The following STOX2 variants were observed in gnomAD, a reference collection of about 807,000 sequenced individuals.
STOX2 encodes the protein storkhead box 2.
STOX2 carries 28 observed loss-of-function variants against 60.9 expected under a neutral mutation model. The observed-to-expected ratio is 0.46, with a 90% CI of 0.34 to 0.63. The LOEUF is 0.63. Among genes scored for constraint, STOX2 ranks in the 30% least tolerant of loss-of-function variants. The probability of loss-of-function intolerance (pLI) is 0.01; values close to 1 mark genes in which losing one functional copy is unlikely to be tolerated. For synonymous variants in STOX2, 472 were observed against 463.9 expected, an observed-to-expected ratio of 1.02 and a Z score of -0.22; for missense variants, 1,024 against 1,187.7, an observed-to-expected ratio of 0.86 and a Z score of 2.03.
At chr4:183,872,480 T>G (rs1288063934) in intron 1 of STOX2, among the ~76,000 whole-genome samples, 1 of 152,188 alleles carries the variant, frequency 6.6e-6, no homozygotes, top group African/African-American at 2.4e-5. Flanking sequence ...TGTACAAACT[T>G]TTTATGTATT....
intron 1 of STOX2, among the ~76,000 whole-genome samples, chr4:183,872,874 G>A (rs1038129278): frequency 2.0e-5 from 3 of 151,956 alleles, no homozygotes; most frequent in African/African-American, 4.8e-5. Context: ...AGATTAGTCC[G>A]TCATCTTTGT....
intron 1 of STOX2, among the ~76,000 whole-genome samples, chr4:183,833,849 G>T (rs1208829345): frequency 6.6e-6 from 1 of 151,440 alleles, no homozygotes; most frequent in Non-Finnish European, 1.5e-5. Flanking sequence ...GGGCGTGGTG[G>T]CAGGCGCCTG....
chr4:183,984,398 G>C (rs1732766876), intron 1 of STOX2, among the ~76,000 whole-genome samples: 1 of 152,064 alleles, frequency 6.6e-6, no homozygotes, highest in Non-Finnish European at 1.5e-5. Context: ...CTTTTTATAT[G>C]TGAGTATCTT....
chr4:184,001,717 C>T lies in STOX2; in HGVS notation c.319+240C>T, dbSNP rs1005277038. Among the ~76,000 whole-genome samples the T allele has an allele frequency of 6.6e-6, 1 of 151,970 alleles. No homozygotes were observed. Among genetic ancestry groups the T allele is most frequent in the Admixed American group, 6.6e-5 (1 of 15,254 alleles). On this transcript the variant is annotated intron_variant, in intron 2 of 3. Transcript: ENST00000308497. The surrounding 1 kb of genome is among the most constrained non-coding windows in gnomAD (Gnocchi z 4.2). Reference sequence around the variant, plus strand: ...TGGCACCGAGAGGAAGAAATTAATTCAGAATCCATGAAGAATCTGGCAAGA... The same window carrying T: ...TGGCACCGAGAGGAAGAAATTAATTTAGAATCCATGAAGAATCTGGCAAGA...
chr4:183,879,206 C>T (rs1029492330), intron 1 of STOX2, among the ~76,000 whole-genome samples: 2 of 152,190 alleles, frequency 1.3e-5, no homozygotes, highest in Admixed American at 6.5e-5. Context: ...AGGCCAGCCT[C>T]GCGAAGGCAT....
intron 1 of STOX2, among the ~76,000 whole-genome samples, chr4:183,839,387 C>T (rs753333220): frequency 6.6e-6 from 1 of 152,108 alleles, no homozygotes; most frequent in African/African-American, 2.4e-5. Flanking sequence ...GTTTGGGTGC[C>T]ACTGACTTTA....
rs188704640 is a variant in STOX2, at chr4:183,951,082, G to A, written c.166+44126G>A. Among the ~76,000 whole-genome samples the A allele has an allele frequency of 1.1e-3, 169 of 151,970 alleles. No homozygotes were observed. The East Asian group carries it at 0.016, about 14-fold the overall frequency. On this transcript the variant is annotated intron_variant, in intron 1 of 3. Transcript: ENST00000308497. ...TACAAAAAAATTAGCCGGGCGTGGTGGCGGGCGCCTGTAGTCCCAGCTACT... is the reference window on the plus strand; with the variant it reads ...TACAAAAAAATTAGCCGGGCGTGGTAGCGGGCGCCTGTAGTCCCAGCTACT...
intron 1 of STOX2, among the ~76,000 whole-genome samples, chr4:183,930,916 A>G (rs1395195114): frequency 6.6e-6 from 1 of 152,234 alleles, no homozygotes; most frequent in Non-Finnish European, 1.5e-5. Flanking sequence ...GAGGCTGAGC[A>G]TAAGCCATAC....
chr4:183,885,203 G>A (rs1454656702), intron 1 of STOX2, among the ~76,000 whole-genome samples: 1 of 151,858 alleles, frequency 6.6e-6, no homozygotes, highest in Non-Finnish European at 1.5e-5. Flanking sequence ...TTCAGAATTT[G>A]GAGAAGCTCC....
In STOX2 at chr4:184,001,381, G is replaced by A. The variant is rs1733584961; in HGVS notation, c.223G>A (p.Gly75Arg). The A allele has an allele frequency of 1.2e-6, 2 of 1,613,792 alleles. No individual in the cohort carries two copies. Among genetic ancestry groups the A allele is most frequent in the Non-Finnish European group, 1.7e-6 (2 of 1,179,828 alleles). The part of the protein sequence containing the change: ...PISQSQFIPL[G>R]EILCLAISAM... ...CAGTCAGTCTCAGTTTATTCCACTCGGGGAGATCCTCTGCTTGGCCATCTC... is the reference window on the plus strand; with the variant it reads ...CAGTCAGTCTCAGTTTATTCCACTCAGGGAGATCCTCTGCTTGGCCATCTC... Residue 75 changes from glycine to arginine, a missense_variant, in exon 2 of 4, where the codon GGG becomes AGG. Transcript: ENST00000308497. This position sits in a 1 kb window ranked among gnomAD's most constrained non-coding sequence, Gnocchi z 4.2.
intron 1 of STOX2, among the ~76,000 whole-genome samples, chr4:183,936,876 CAAG>C (rs1298335294): frequency 1.3e-5 from 2 of 152,118 alleles, no homozygotes; most frequent in African/African-American, 4.8e-5. Context: ...ATTAATGAAA[CAAG>C]GGATTTGTAG....
At chr4:183,993,808 A>G (rs1417637700) in intron 1 of STOX2, among the ~76,000 whole-genome samples, 1 of 152,234 alleles carries the variant, frequency 6.6e-6, no homozygotes, top group Non-Finnish European at 1.5e-5. Context: ...GAAAGTCAAG[A>G]ATAGTCATCT....
chr4:184,008,896 A>G (rs1017601499), intron 2 of STOX2, among the ~76,000 whole-genome samples: 2 of 152,216 alleles, frequency 1.3e-5, no homozygotes, highest in Non-Finnish European at 2.9e-5. Context: ...ACAACAGGTA[A>G]CAACAGTAGC....
Position 184,001,494 on chromosome 4 carries a change from G to C in STOX2, c.319+17G>C, listed in dbSNP as rs769204016. On this transcript the variant is annotated intron_variant, in intron 2 of 3. Transcript: ENST00000308497. This position sits in a 1 kb window ranked among gnomAD's most constrained non-coding sequence, Gnocchi z 4.2. Reference sequence around the variant, plus strand: ...GCTTCCCAGGTAACGAGGCGGGAACGTAGCACTTTCCAGGTGGCGGTGTGC... The same window carrying C: ...GCTTCCCAGGTAACGAGGCGGGAACCTAGCACTTTCCAGGTGGCGGTGTGC... The C allele has an allele frequency of 2.5e-6, 4 of 1,612,624 alleles. No individual in the cohort carries two copies. The South Asian group carries it at 3.3e-5, about 13-fold the overall frequency.
intron 1 of STOX2, among the ~76,000 whole-genome samples, chr4:183,807,086 C>T (rs995044641): frequency 1.1e-4 from 16 of 152,156 alleles, no homozygotes; most frequent in Non-Finnish European, 2.2e-4. Context: ...CATTCTCCTG[C>T]TTCAGCCTCC....
At chr4:183,999,920 C>T (rs897298221) in intron 1 of STOX2, among the ~76,000 whole-genome samples, 2 of 152,122 alleles carry the variant, frequency 1.3e-5, no homozygotes, top group East Asian at 1.9e-4. Flanking sequence ...ACCTGAGTCT[C>T]GGTTTTGGTC....
rs150814358 is a variant in STOX2, at chr4:183,976,204, C to T, written c.167-25121C>T. On this transcript the variant is annotated intron_variant, in intron 1 of 3. Transcript: ENST00000308497. ...GCACATGCCTGTAGTCCCAGCTACG[C>T]AGGAGGCTGAGGCAGGAGAATTGTT... Among the ~76,000 whole-genome samples, 4 of 152,234 alleles carry T rather than the reference C, an allele frequency of 2.6e-5. No homozygotes were observed. The East Asian group carries it at 5.8e-4, about 22-fold the overall frequency.
intron 2 of STOX2, among the ~76,000 whole-genome samples, chr4:184,008,801 TTCATA>T (rs1733993852): frequency 6.6e-6 from 1 of 152,238 alleles, no homozygotes; most frequent in African/African-American, 2.4e-5. Flanking sequence ...TTTCTATACT[TTCATA>T]TCATATCATG....
At chr4:184,002,533 TGGGGCCCAGCA>T (rs1733636041) in intron 2 of STOX2, among the ~76,000 whole-genome samples, 1 of 152,172 alleles carries the variant, frequency 6.6e-6, no homozygotes, top group Non-Finnish European at 1.5e-5. Context: ...CTGAGCCAGG[TGGGGCCCAGCA>T]GGGTAGTTCT....
Sources: allele counts gnomAD v4.1 joint callset (sites outside exome capture counted in the v4.1 genomes callset), GRCh38; gene constraint gnomAD v4.1.1; non-coding constraint Gnocchi (gnomAD v3.1); transcripts MANE v1.5; gene names NCBI Gene and HGNC (gene_info 2026-07-23, HGNC 2026-07-21).